Variants in STXBP5 observed in about 807,000 individuals in gnomAD.
STXBP5 encodes syntaxin-binding protein 5.
STXBP5 carries 50 observed loss-of-function variants against 152.4 expected under a neutral mutation model. The ratio of observed to expected loss-of-function variants is 0.33; its 90% CI spans 0.26 to 0.42. The LOEUF is 0.42. Ranked by LOEUF, STXBP5 falls within the 10% of genes least tolerant of loss-of-function variation. The pLI, the probability that STXBP5 is intolerant of heterozygous loss-of-function variation, is 1.00. For missense variants in STXBP5, 1,167 were observed against 1,388.6 expected (o/e 0.84, Z 2.54); for synonymous variants, 492 against 494.7 (o/e 0.99, Z 0.07).
At chr6:147,330,923 G>A (rs1044877173) in intron 18 of STXBP5, among the ~76,000 whole-genome samples, 2 of 152,194 alleles carry the variant, frequency 1.3e-5, no homozygotes, top group South Asian at 2.1e-4. Flanking sequence ...TATTTGTTAT[G>A]TGTTGTCTAT....
At chr6:147,280,280 T>C (rs1780640924) in intron 8 of STXBP5, among the ~76,000 whole-genome samples, 1 of 152,160 alleles carries the variant, frequency 6.6e-6, no homozygotes, top group Admixed American at 6.5e-5. Context: ...TGTTTATTCA[T>C]GATGAGATTT....
intron 7 of STXBP5, among the ~76,000 whole-genome samples, chr6:147,270,425 A>G (rs1031436446): frequency 6.6e-6 from 1 of 151,730 alleles, no homozygotes; most frequent in Non-Finnish European, 1.5e-5. Context: ...AATTACAGCA[A>G]ATTTTGTTTT....
chr6:147,268,698 G>A (rs1393779228), intron 7 of STXBP5, among the ~76,000 whole-genome samples: 1 of 152,110 alleles, frequency 6.6e-6, no homozygotes, highest in African/African-American at 2.4e-5. Flanking sequence ...TTTTGGTTTT[G>A]CTTATTATTT....
At chr6:147,293,228 A>G (rs1781363966) in intron 9 of STXBP5, 1 of 152,190 alleles carries the variant, frequency 6.6e-6, no homozygotes, top group South Asian at 2.1e-4. Context: ...CCAATGATGC[A>G]TTCCTCAGAA....
intron 26 of STXBP5, among the ~76,000 whole-genome samples, chr6:147,375,358 C>A (rs1280079290): frequency 6.6e-6 from 1 of 151,942 alleles, no homozygotes; most frequent in Admixed American, 6.5e-5. Flanking sequence ...TGAAAAAACC[C>A]AGAATGAAAT....
chr6:147,295,174 ACTTTT>A (rs1781454317), intron 9 of STXBP5, among the ~76,000 whole-genome samples: 2 of 152,118 alleles, frequency 1.3e-5, no homozygotes, highest in East Asian at 1.9e-4. Context: ...TCTACTTTAC[ACTTTT>A]CTTTTCACTA....
At chr6:147,223,454 C>T (rs1410647428) in intron 2 of STXBP5, among the ~76,000 whole-genome samples, 1 of 151,782 alleles carries the variant, frequency 6.6e-6, no homozygotes, top group African/African-American at 2.4e-5. Context: ...AAAATAAGAC[C>T]TGGGAGGAGA....
At chr6:147,380,185 C>A (rs1304233471) in intron 26 of STXBP5, among the ~76,000 whole-genome samples, 1 of 150,698 alleles carries the variant, frequency 6.6e-6, no homozygotes, top group African/African-American at 2.4e-5. Context: ...CACACACACA[C>A]ACACACACAC....
At chr6:147,246,130 A>G (rs1778798513) in intron 4 of STXBP5, among the ~76,000 whole-genome samples, 1 of 152,200 alleles carries the variant, frequency 6.6e-6, no homozygotes, top group Non-Finnish European at 1.5e-5. Flanking sequence ...AGAAACTGAG[A>G]ATTTGATAAG....
chr6:147,381,443 A>T (rs1786079885), intron 26 of STXBP5, among the ~76,000 whole-genome samples: 1 of 152,138 alleles, frequency 6.6e-6, no homozygotes, highest in Non-Finnish European at 1.5e-5. Context: ...GTTGAAATGT[A>T]AAATGGGTGC....
At chr6:147,257,145 A>G (rs1046140554) in intron 4 of STXBP5, among the ~76,000 whole-genome samples, 10 of 151,580 alleles carry the variant, frequency 6.6e-5, no homozygotes, top group African/African-American at 2.2e-4. Context: ...AGTCAAGTGC[A>G]GTATAGGGAT....
At chr6:147,256,923 ATTC>A in intron 4 of STXBP5, among the ~76,000 whole-genome samples, 1 of 152,244 alleles carries the variant, frequency 6.6e-6, no homozygotes, top group East Asian at 1.9e-4. Flanking sequence ...AGCTGTACAT[ATTC>A]TTCTGTCAAA....
In STXBP5 at chr6:147,325,066, T is replaced by G; in HGVS notation, c.1910T>G (p.Val637Gly). 5.1e-6 allele frequency: 8 copies of G among 1,568,116 alleles called. No individual in the cohort carries two copies. Among genetic ancestry groups the G allele is most frequent in the Non-Finnish European group, 6.9e-6 (8 of 1,154,012 alleles). Residue 637 changes from valine to glycine, a missense_variant, in exon 17 of 28, where the codon GTC becomes GGC. Physicochemically the swap from Val to Gly is moderately radical, Grantham distance 109 (BLOSUM62 -3). Around this residue, in one of 3 missense-constraint regions of STXBP5, gnomAD observed 833 missense variants for 986.3 expected, o/e 0.84. Transcript: ENST00000321680. ...CCACAACAAATAACCAGCCTGGCAG[T>G]CAATTCTTCCTATGGACTGTAAGTA... ...EPPQQITSLAVNSSYGLVVFG... is the reference protein window; with the variant it reads ...EPPQQITSLAGNSSYGLVVFG...
intron 4 of STXBP5, among the ~76,000 whole-genome samples, chr6:147,242,263 T>C (rs985261197): frequency 2.6e-5 from 4 of 151,876 alleles, no homozygotes; most frequent in Admixed American, 6.6e-5. Context: ...AAAAATTATA[T>C]AGTTTTACAT....
rs1035851207 is a variant in STXBP5, at chr6:147,387,246, C to A, written c.*2491C>A. 5 of 151,364 alleles carry A rather than the reference C, an allele frequency of 3.3e-5. No homozygotes were observed. The highest frequency in any genetic ancestry group is 1.2e-4 in the African/African-American group (5 of 41,282). The allele number at this position is 151,364 out of a possible 1,614,324, so 9.4% of individuals were successfully genotyped here. On this transcript the variant is annotated 3_prime_UTR_variant, in exon 28 of 28. Coordinates refer to ENST00000321680, the MANE Select transcript of STXBP5 (RefSeq NM_001127715.4). ...TTTACTGTAATTTGAGAGGTAACAT[C>A]TCTATTTTTTTCTTTTTAAATACAG...
intron 21 of STXBP5, among the ~76,000 whole-genome samples, chr6:147,344,164 T>G (rs569575880): frequency 6.6e-6 from 1 of 152,216 alleles, no homozygotes; most frequent in African/African-American, 2.4e-5. Context: ...TTTTTGAATG[T>G]ATTTTCTGTC....
chr6:147,359,279 G>A lies in STXBP5; in HGVS notation c.2501G>A (p.Gly834Glu), dbSNP rs534413042. 1.2e-6 allele frequency: 2 copies of A among 1,613,844 alleles called. No homozygotes were observed. Among genetic ancestry groups the A allele is most frequent in the African/African-American group, 1.3e-5 (1 of 74,908 alleles). The change falls in exon 23 of 28, where the codon GGG becomes GAG. Residue 834 changes from glycine to glutamate, a missense_variant. By Grantham distance (98) the Gly-to-Glu change is moderately conservative. Coordinates refer to ENST00000321680, the MANE Select transcript of STXBP5 (RefSeq NM_001127715.4). ...VLVIALNLPP[G>E]GEQRLLQPVI... ...GTCATTGCACTGAACCTTCCCCCAG[G>A]GGGAGAGCAAAGACTTCTTCAGCCA...
At chr6:147,366,327 C>G (rs962467141) in intron 25 of STXBP5, among the ~76,000 whole-genome samples, 2 of 152,170 alleles carry the variant, frequency 1.3e-5, no homozygotes, top group African/African-American at 4.8e-5. Flanking sequence ...TCCCAACAAC[C>G]AGACTGGAGA....
At chr6:147,213,446 G>GTT (rs1776975888) in intron 2 of STXBP5, among the ~76,000 whole-genome samples, 1 of 137,132 alleles carries the variant, frequency 7.3e-6, no homozygotes, top group African/African-American at 2.9e-5. Context: ...GTGTGTGTGT[G>GTT]TGTGTGTGTG....
Sources: allele counts gnomAD v4.1 joint callset (sites outside exome capture counted in the v4.1 genomes callset), GRCh38; gene constraint gnomAD v4.1.1; regional missense constraint gnomAD v4.1.1; transcripts MANE v1.5; gene names NCBI Gene and HGNC (gene_info 2026-07-23, HGNC 2026-07-21).